TMEM164: variants seen among roughly 807,000 people sequenced by gnomAD.
The protein encoded by TMEM164 is RP13-360B22.2.
A neutral mutation model predicts 18.8 loss-of-function variants in TMEM164; 4 were observed. That is an observed-to-expected ratio of 0.21 (90% CI 0.10 to 0.49). The LOEUF is 0.49. Ranked by LOEUF, TMEM164 falls within the 20% of genes least tolerant of loss-of-function variation. The pLI is 0.98. For missense variants in TMEM164, 108 were observed against 239.9 expected (o/e 0.45, Z 3.63); for synonymous variants, 86 against 101.7 (o/e 0.85, Z 0.93).
At chrX:110,010,050 A>G (rs1339481327) in intron 2 of TMEM164, among the ~76,000 whole-genome samples, 3 of 111,086 alleles carry the variant, frequency 2.7e-5, no homozygotes, top group Non-Finnish European at 5.7e-5. Context: ...GAGTGAGGCA[A>G]TCTCAGCTCC....
Position 110,039,689 on chromosome X carries a change from C to G in TMEM164, c.391-27658C>G, listed in dbSNP as rs1403643659. On this transcript the variant is annotated intron_variant, in intron 2 of 6. Coordinates refer to ENST00000372068, the MANE Select transcript of TMEM164 (RefSeq NM_032227.4). ...TACTTAAGCATCATGTTCCCCCACCCTGGGATGCTCTGTTGGCCTGATTTA... is the reference window on the plus strand; with the variant it reads ...TACTTAAGCATCATGTTCCCCCACCGTGGGATGCTCTGTTGGCCTGATTTA... Among the ~76,000 whole-genome samples, 3 of 112,336 alleles carry G rather than the reference C, an allele frequency of 2.7e-5. No homozygotes were observed. In the Admixed American group the frequency reaches 2.8e-4, roughly 11 times the overall value.
At chrX:110,141,333 C>A (rs2066767213) in intron 4 of TMEM164, among the ~76,000 whole-genome samples, 1 of 111,652 alleles carries the variant, frequency 9.0e-6, no homozygotes, top group African/African-American at 3.3e-5. Flanking sequence ...AATGAGATAA[C>A]ACTATGTGTA....
At chrX:110,027,487 G>A (rs1034828927) in intron 2 of TMEM164, among the ~76,000 whole-genome samples, 2 of 111,802 alleles carry the variant, frequency 1.8e-5, no homozygotes, top group Admixed American at 9.5e-5. Context: ...GCTGGGCGCA[G>A]TGGCTCACAT....
chrX:110,169,088 G>A (rs1278879869), intron 5 of TMEM164, among the ~76,000 whole-genome samples: 1 of 111,843 alleles, frequency 8.9e-6, no homozygotes, highest in Admixed American at 9.4e-5. Flanking sequence ...TCTACCTGTT[G>A]AGCTCCACTG....
intron 4 of TMEM164, among the ~76,000 whole-genome samples, chrX:110,141,945 C>G (rs188861677): frequency 9.0e-6 from 1 of 111,682 alleles, no homozygotes; most frequent in African/African-American, 3.3e-5. Flanking sequence ...GTGGCATATG[C>G]ACCTAGTTCA....
intron 6 of TMEM164, among the ~76,000 whole-genome samples, chrX:110,171,898 A>G (rs1404394745): frequency 8.9e-6 from 1 of 112,062 alleles, no homozygotes; most frequent in Non-Finnish European, 1.9e-5. Flanking sequence ...TCCTGGGCCC[A>G]TTCATAGGCC....
At chrX:110,020,420 T>C in intron 2 of TMEM164, 5 of 753,626 alleles carry the variant, frequency 6.6e-6, no homozygotes, top group Non-Finnish European at 7.8e-6. Flanking sequence ...GAAATGTTGA[T>C]TTAGGAGGTA....
chrX:110,125,673 G>A (rs912778904), intron 4 of TMEM164, among the ~76,000 whole-genome samples: 1 of 112,520 alleles, frequency 8.9e-6, no homozygotes, highest in Non-Finnish European at 1.9e-5. Context: ...TTCTGTGCAC[G>A]GAGTTTGGAG....
chrX:110,168,880 A>G (rs1362561876), intron 5 of TMEM164, among the ~76,000 whole-genome samples: 1 of 112,840 alleles, frequency 8.9e-6, no homozygotes, highest in Non-Finnish European at 1.9e-5. Context: ...TCATATAACA[A>G]TGAAAATAAT....
chrX:110,023,955 C>G (rs1190011269), intron 2 of TMEM164, among the ~76,000 whole-genome samples: 2 of 112,397 alleles, frequency 1.8e-5, no homozygotes, highest in Non-Finnish European at 3.8e-5. Context: ...TTGCCAGTCA[C>G]CTGCATTTGT....
chrX:110,021,864 G>T (rs1332438243), intron 2 of TMEM164, among the ~76,000 whole-genome samples: 1 of 111,985 alleles, frequency 8.9e-6, no homozygotes, highest in Admixed American at 9.5e-5. Flanking sequence ...GAATAGTCTG[G>T]TGAGTGACTG....
At chrX:110,040,290 A>AT (rs1272897632) in intron 2 of TMEM164, among the ~76,000 whole-genome samples, 2 of 111,970 alleles carry the variant, frequency 1.8e-5, no homozygotes, top group Admixed American at 9.4e-5. Context: ...TAGCCTTTGA[A>AT]TTTCTTGGTT....
At chrX:110,131,283 T>C (rs762129666) in intron 4 of TMEM164, among the ~76,000 whole-genome samples, 1 of 111,785 alleles carries the variant, frequency 8.9e-6, no homozygotes, top group South Asian at 3.8e-4. Context: ...GAAAGCCAAA[T>C]CCAGATGCTT....
intron 2 of TMEM164, 72 bp downstream of exon 2, chrX:110,004,236 T>C: frequency 9.2e-7 from 1 of 1,085,016 alleles, no homozygotes; most frequent in East Asian, 3.0e-5. Context: ...CACTCCATAG[T>C]GTACAGCACC....
chrX:110,007,169 A>G (rs1285706095), intron 2 of TMEM164, among the ~76,000 whole-genome samples: 2 of 112,557 alleles, frequency 1.8e-5, no homozygotes, highest in African/African-American at 6.5e-5. Context: ...CATCATAGCC[A>G]TGCTGCCTTT....
At chrX:110,007,043 G>A (rs1932762823) in intron 2 of TMEM164, among the ~76,000 whole-genome samples, 1 of 112,172 alleles carries the variant, frequency 8.9e-6, no homozygotes, top group South Asian at 3.7e-4. Flanking sequence ...TGTAACAAGG[G>A]AGGTATTGCT....
chrX:110,114,627 G>A (rs910905079), intron 4 of TMEM164, among the ~76,000 whole-genome samples: 1 of 111,545 alleles, frequency 9.0e-6, no homozygotes, highest in Non-Finnish European at 1.9e-5. Context: ...CAACTTCAGC[G>A]CTCTGCTTTT....
At chrX:110,015,059 C>G (rs1402770953) in intron 2 of TMEM164, among the ~76,000 whole-genome samples, 2 of 111,959 alleles carry the variant, frequency 1.8e-5, no homozygotes. Context: ...TCCTTAAGAC[C>G]AGCTCTCCTC....
intron 2 of TMEM164, among the ~76,000 whole-genome samples, chrX:110,017,898 A>G (rs1327623909): frequency 9.0e-6 from 1 of 111,166 alleles, no homozygotes; most frequent in Non-Finnish European, 1.9e-5. Flanking sequence ...TGGCTGGTAT[A>G]GCAACTGTTT....
Sources: gnomAD v4.1 joint callset for allele counts (sites outside exome capture counted in the v4.1 genomes callset) on GRCh38, gnomAD v4.1.1 for gene constraint, MANE v1.5 for transcripts, NCBI Gene and HGNC (gene_info 2026-07-23, HGNC 2026-07-21) for gene names.